KAZN: variants seen among roughly 807,000 people sequenced by gnomAD.
KAZN encodes the protein kazrin, periplakin interacting protein.
A neutral mutation model predicts 87.4 loss-of-function variants in KAZN; 40 were observed. The ratio of observed to expected loss-of-function variants is 0.46; its 90% CI spans 0.36 to 0.60. The LOEUF is 0.60. KAZN is among the 20% of genes least tolerant of loss of function. The pLI, the probability that KAZN is intolerant of heterozygous loss-of-function variation, is 0.00. For synonymous variants in KAZN, 466 were observed against 458.3 expected (o/e 1.02, Z -0.22); for missense variants, 898 against 1,073.9 (o/e 0.84, Z 2.29).
intron 2 of KAZN, among the ~76,000 whole-genome samples, chr1:14,988,010 A>C (rs1666997016): frequency 6.6e-6 from 1 of 152,154 alleles, no homozygotes; most frequent in Non-Finnish European, 1.5e-5. Context: ...CTCTGGCCTG[A>C]GGGTACTAGG....
intron 10 of KAZN, among the ~76,000 whole-genome samples, chr1:15,100,438 C>T (rs1173142817): frequency 1.3e-5 from 2 of 152,168 alleles, no homozygotes; most frequent in African/African-American, 2.4e-5. Context: ...CTTCGTGGCC[C>T]CCTGCACCTC....
chr1:14,660,695 A>G (rs1306735759), intron 1 of KAZN, among the ~76,000 whole-genome samples: 1 of 152,052 alleles, frequency 6.6e-6, no homozygotes, highest in Non-Finnish European at 1.5e-5. Flanking sequence ...ACCTAACTGC[A>G]AACGACTCAG....
intron 1 of KAZN, among the ~76,000 whole-genome samples, chr1:13,983,227 G>T (rs1638830834): frequency 6.6e-6 from 1 of 152,242 alleles, no homozygotes; most frequent in Admixed American, 6.5e-5. Context: ...GGCGCTCGTG[G>T]AGGAGGCTCG....
At chr1:14,982,108 G>T (rs1666301885) in intron 2 of KAZN, among the ~76,000 whole-genome samples, 2 of 152,168 alleles carry the variant, frequency 1.3e-5, no homozygotes, top group South Asian at 4.1e-4. Flanking sequence ...GGTGAGATGG[G>T]TCCTGTTATC....
At chr1:14,106,974 C>A (rs1644388515) in intron 1 of KAZN, among the ~76,000 whole-genome samples, 1 of 122,682 alleles carries the variant, frequency 8.2e-6, no homozygotes, top group Admixed American at 8.0e-5. Context: ...CCGTCCCTCC[C>A]TCCTTCTCTC....
chr1:14,570,793 G>A (rs1031944972), intron 2 of KAZN, among the ~76,000 whole-genome samples: 3 of 152,166 alleles, frequency 2.0e-5, no homozygotes, highest in Non-Finnish European at 4.4e-5. Context: ...AACATCTTGA[G>A]AAATTACCAA....
At chr1:15,002,387 G>T (rs1221571724) in intron 2 of KAZN, among the ~76,000 whole-genome samples, 1 of 152,122 alleles carries the variant, frequency 6.6e-6, no homozygotes, top group Admixed American at 6.6e-5. Context: ...AGAGTCAATG[G>T]GTCTGCAGCC....
intron 2 of KAZN, among the ~76,000 whole-genome samples, chr1:14,297,128 C>A (rs1195095939): frequency 1.3e-5 from 2 of 152,072 alleles, no homozygotes; most frequent in African/African-American, 4.8e-5. Flanking sequence ...CATAGAGGGG[C>A]TTATTTTCTC....
chr1:14,367,386 G>A (rs1660096250), intron 2 of KAZN, among the ~76,000 whole-genome samples: 1 of 152,118 alleles, frequency 6.6e-6, no homozygotes. Flanking sequence ...TCTCTCCAAT[G>A]TCCAACTGTA....
At chr1:14,640,882 C>T (rs533724262) in intron 1 of KAZN, among the ~76,000 whole-genome samples, 6 of 152,222 alleles carry the variant, frequency 3.9e-5, no homozygotes, top group African/African-American at 9.6e-5. Flanking sequence ...TGACCTCCCA[C>T]GTCCCTGATC....
chr1:14,365,370 G>GC, intron 2 of KAZN, among the ~76,000 whole-genome samples: 1 of 22,764 alleles, frequency 4.4e-5, no homozygotes, highest in East Asian at 6.7e-4. Context: ...CCCCGGGGTG[G>GC]GGGGGGGGGG....
At chr1:13,974,523 T>C (rs1638223641) in intron 1 of KAZN, among the ~76,000 whole-genome samples, 1 of 152,164 alleles carries the variant, frequency 6.6e-6, no homozygotes, top group Non-Finnish European at 1.5e-5. Context: ...CTAAATCCAG[T>C]GACAAGTGTC....
At chr1:14,836,894 G>T (rs1190435012) in intron 1 of KAZN, among the ~76,000 whole-genome samples, 3 of 152,108 alleles carry the variant, frequency 2.0e-5, no homozygotes, top group African/African-American at 7.2e-5. Flanking sequence ...CAAAGTACTT[G>T]AAACTAATGA....
chr1:14,426,403 A>G (rs1665728222), intron 2 of KAZN, among the ~76,000 whole-genome samples: 1 of 152,112 alleles, frequency 6.6e-6, no homozygotes, highest in South Asian at 2.1e-4. Flanking sequence ...GCCCCGTTAG[A>G]TTGTACACTT....
intron 2 of KAZN, among the ~76,000 whole-genome samples, chr1:14,550,742 CCA>C (rs1478950510): frequency 1.8e-3 from 90 of 50,894 alleles, no homozygotes; most frequent in African/African-American, 4.3e-3. Flanking sequence ...TCTCTCTCCC[CCA>C]CCCCGCCACC....
chr1:14,083,313 C>T (rs954004519), intron 1 of KAZN, among the ~76,000 whole-genome samples: 1 of 152,206 alleles, frequency 6.6e-6, no homozygotes, highest in African/African-American at 2.4e-5. Flanking sequence ...TGATTTGATA[C>T]ATTTTAGTAG....
chr1:14,986,023 AAG>A (rs1553167519), intron 2 of KAZN, among the ~76,000 whole-genome samples: 6 of 151,218 alleles, frequency 4.0e-5, no homozygotes, highest in African/African-American at 1.5e-4. Flanking sequence ...AAAAAAAAAA[AAG>A]GAAAGAAAGA....
At chr1:14,742,510 A>T (rs1180056552) in intron 1 of KAZN, among the ~76,000 whole-genome samples, 2 of 152,182 alleles carry the variant, frequency 1.3e-5, no homozygotes, top group Non-Finnish European at 2.9e-5. Context: ...CGAATGAAAA[A>T]AAAACCAATG....
chr1:15,095,002 T>C (rs112583210), intron 10 of KAZN, 69 bp downstream of exon 10: 2 of 1,125,944 alleles, frequency 1.8e-6, no homozygotes, highest in African/African-American at 3.1e-5. Flanking sequence ...GTCACACAGG[T>C]GGGGTGAGCG....
Sources: allele counts gnomAD v4.1 joint callset (sites outside exome capture counted in the v4.1 genomes callset), GRCh38; gene constraint gnomAD v4.1.1; transcripts MANE v1.5; gene names NCBI Gene and HGNC (gene_info 2026-07-23, HGNC 2026-07-21).